PDE12: variants seen among roughly 807,000 people sequenced by gnomAD.
PDE12 encodes phosphodiesterase 12, also known as 2',5'-phosphodiesterase 12.
A neutral mutation model predicts 45.4 loss-of-function variants in PDE12; 26 were observed. The observed-to-expected ratio is 0.57, with a 90% CI of 0.42 to 0.79. The LOEUF (loss-of-function observed/expected upper bound fraction) is 0.79, where lower values mean the gene tolerates loss of function less well. PDE12 is among the 30% of genes least tolerant of loss of function. The pLI is 0.00. For missense variants in PDE12, 668 were observed against 790.0 expected (o/e 0.85, Z 1.85); for synonymous variants, 283 against 323.9 (o/e 0.87, Z 1.36).
chr3:57,584,471 GA>G, the PDE12 span: 10 of 1,609,280 alleles, frequency 6.2e-6, no homozygotes, highest in Non-Finnish European at 8.5e-6. Context: ...CCAACTAGAA[GA>G]AGACATTATA....
chr3:57,585,909 G>A, the PDE12 span, among the ~76,000 whole-genome samples: 5 of 152,140 alleles, frequency 3.3e-5, no homozygotes, highest in African/African-American at 9.6e-5. Flanking sequence ...TGATCTGCCC[G>A]CCTCAGCCTC....
the PDE12 span, among the ~76,000 whole-genome samples, chr3:57,638,580 C>G: frequency 6.6e-6 from 1 of 152,204 alleles, no homozygotes; most frequent in South Asian, 2.1e-4. Context: ...ATTGCTTGAA[C>G]CCGGGAGGTG....
chr3:57,654,645 T>A, the PDE12 span: 1 of 985,226 alleles, frequency 1.0e-6, no homozygotes, highest in Non-Finnish European at 1.2e-6. Flanking sequence ...TCAATTCTAA[T>A]CTCACCTCAA....
the PDE12 span, among the ~76,000 whole-genome samples, chr3:57,607,213 C>T: frequency 6.6e-6 from 1 of 152,000 alleles, no homozygotes; most frequent in Non-Finnish European, 1.5e-5. Context: ...AACTAACAAA[C>T]AGGACATTTG....
Position 57,557,111 on chromosome 3 carries a change from A to G in PDE12, c.732A>G (p.Leu244=). The change falls in exon 1 of 3, where the codon CTA becomes CTG. Residue 244 remains leucine, a synonymous_variant. Transcript: ENST00000311180. ...VYTPSNADIG[L]RLKLHCTPGD... ...CCCCGTCCAATGCCGACATCGGGCT[A>G]AGGCTCAAGCTTCACTGCACCCCAG... is the stretch of plus-strand genomic sequence containing the variant. The G allele has an allele frequency of 6.2e-7, 1 of 1,614,098 alleles. No individual in the cohort carries two copies. The highest frequency in any genetic ancestry group is 8.5e-7 in the Non-Finnish European group (1 of 1,180,026).
the PDE12 span, among the ~76,000 whole-genome samples, chr3:57,577,054 TA>T: frequency 2.6e-3 from 352 of 137,594 alleles, no homozygotes; most frequent in African/African-American, 3.7e-3. Context: ...TGAGGCATTC[TA>T]AAAAAAAAAA....
the PDE12 span, chr3:57,630,246 G>C: frequency 2.1e-6 from 1 of 480,344 alleles, no homozygotes; most frequent in Non-Finnish European, 3.5e-6. Context: ...GATTAAAAGA[G>C]ATTATCTATA....
At chr3:57,582,764 T>TA in the PDE12 span, among the ~76,000 whole-genome samples, 21 of 131,402 alleles carry the variant, frequency 1.6e-4, no homozygotes, top group South Asian at 1.0e-3. Context: ...TATTAAGTAA[T>TA]AAAAAAAAAC....
chr3:57,585,529 T>C, the PDE12 span, among the ~76,000 whole-genome samples: 3 of 152,186 alleles, frequency 2.0e-5, no homozygotes, highest in Non-Finnish European at 2.9e-5. Flanking sequence ...AACGAGTTAA[T>C]GGGTGCAGCA....
the PDE12 span, among the ~76,000 whole-genome samples, chr3:57,638,941 A>G: frequency 6.6e-6 from 1 of 152,114 alleles, no homozygotes; most frequent in Non-Finnish European, 1.5e-5. Flanking sequence ...TACAGAAAAA[A>G]TAAAAAATTA....
At chr3:57,647,177 A>T in the PDE12 span, among the ~76,000 whole-genome samples, 1 of 152,236 alleles carries the variant, frequency 6.6e-6, no homozygotes. Context: ...TGCAAATAAA[A>T]AAGAAAAGAA....
the PDE12 span, chr3:57,577,279 C>T: frequency 1.9e-6 from 3 of 1,552,290 alleles, no homozygotes; most frequent in Non-Finnish European, 1.8e-6. Flanking sequence ...CAGAAAAGCA[C>T]ACCTTGAAAA....
the PDE12 span, among the ~76,000 whole-genome samples, chr3:57,610,542 G>A: frequency 6.6e-6 from 1 of 152,090 alleles, no homozygotes; most frequent in Non-Finnish European, 1.5e-5. Context: ...CAAAGTCTCA[G>A]GATACAAAAT....
Position 57,557,039 on chromosome 3 carries a change from A to C in PDE12, c.660A>C (p.Ser220=), listed in dbSNP as rs773273722. ...VGVPSSLSPS[S]PSSSWTETDV... is the part of the protein sequence containing the mutation. ...TCCCCTCGTCATTGTCTCCCTCCTC[A>C]CCTTCTTCTTCTTGGACTGAGACTG... The change falls in exon 1 of 3, where the codon TCA becomes TCC. Residue 220 remains serine (S), a synonymous_variant. Transcript: ENST00000311180. 1.7e-5 allele frequency: 28 copies of C among 1,613,152 alleles called. No homozygotes were observed. The African/African-American group carries it at 3.5e-4, about 20-fold the overall frequency.
At chr3:57,579,683 A>G in the PDE12 span, among the ~76,000 whole-genome samples, 1 of 152,080 alleles carries the variant, frequency 6.6e-6, no homozygotes, top group Non-Finnish European at 1.5e-5. Flanking sequence ...TTAAATGACA[A>G]TTTCCTTTGT....
At chr3:57,582,187 G>A in the PDE12 span, among the ~76,000 whole-genome samples, 2 of 152,054 alleles carry the variant, frequency 1.3e-5, no homozygotes, top group Non-Finnish European at 2.9e-5. Context: ...TAAAGCATGT[G>A]CCTCTGTATC....
chr3:57,607,847 G>T, the PDE12 span, among the ~76,000 whole-genome samples: 2 of 152,126 alleles, frequency 1.3e-5, no homozygotes, highest in Non-Finnish European at 1.5e-5. Context: ...CCCCAACCTA[G>T]CAAGGCAGGC....
At chr3:57,584,330 T>C in the PDE12 span, 5 of 1,374,320 alleles carry the variant, frequency 3.6e-6, no homozygotes, top group South Asian at 1.2e-5. Flanking sequence ...CTAGACTGTA[T>C]ATATTTCACT....
chr3:57,654,954 G>C, the PDE12 span: 1 of 262,336 alleles, frequency 3.8e-6, no homozygotes, highest in Non-Finnish European at 5.9e-6. Flanking sequence ...CTAATCATTA[G>C]ATATTAAATG....
Sources: gnomAD v4.1 joint callset for allele counts (sites outside exome capture counted in the v4.1 genomes callset) on GRCh38, gnomAD v4.1.1 for gene constraint, MANE v1.5 for transcripts, NCBI Gene and HGNC (gene_info 2026-07-23, HGNC 2026-07-21) for gene names.